Variants in CPE observed in about 807,000 individuals in gnomAD.
CPE encodes the protein carboxypeptidase E.
CPE carries 17 observed loss-of-function variants against 53.5 expected under a neutral mutation model. The observed-to-expected ratio is 0.32, with a 90% CI of 0.22 to 0.48. The LOEUF (loss-of-function observed/expected upper bound fraction) is 0.48, where lower values mean the gene tolerates loss of function less well. CPE is among the 20% of genes least tolerant of loss of function. The pLI is 0.99. For missense variants in CPE, 524 were observed against 614.7 expected, an observed-to-expected ratio of 0.85 and a Z score of 1.56; for synonymous variants, 226 against 228.8, an observed-to-expected ratio of 0.99 and a Z score of 0.11.
chr4:165,396,100 A>G (rs553690186), intron 1 of CPE, among the ~76,000 whole-genome samples: 1 of 152,282 alleles, frequency 6.6e-6, no homozygotes, highest in South Asian at 2.1e-4. Flanking sequence ...AAAATATGGC[A>G]AAGTTTCCAT....
At chr4:165,400,594 A>G (rs1238518828) in intron 1 of CPE, among the ~76,000 whole-genome samples, 1 of 152,130 alleles carries the variant, frequency 6.6e-6, no homozygotes, top group Non-Finnish European at 1.5e-5. Context: ...GTTTCAGTAG[A>G]GTCAAGAGGA....
At chr4:165,440,897 G>A (rs1179157328) in intron 1 of CPE, among the ~76,000 whole-genome samples, 1 of 152,084 alleles carries the variant, frequency 6.6e-6, no homozygotes, top group Admixed American at 6.5e-5. Context: ...GCAAATGCCG[G>A]TGTGGTATGA....
At position 165,497,620 on chromosome 4, in the gene CPE, T is replaced by G; in HGVS notation, c.*10T>G. ...AACTTTAAATTTTTAAAAAGGCTTC[T>G]AGTTAGCTGCTTTAAATCTATCTAT... On this transcript the variant is annotated 3_prime_UTR_variant, in exon 9 of 9. Coordinates refer to ENST00000402744, the MANE Select transcript of CPE (RefSeq NM_001873.4). The G allele has an allele frequency of 1.3e-6, 2 of 1,502,114 alleles. No homozygotes were observed. The highest frequency in any genetic ancestry group is 1.8e-4 in the Middle Eastern group (1 of 5,682). The allele number at this position is 1,502,114 out of a possible 1,614,324, so 93.0% of individuals were successfully genotyped here.
intron 3 of CPE, among the ~76,000 whole-genome samples, chr4:165,480,995 G>GATATAT (rs758491096): frequency 1.5e-5 from 2 of 132,176 alleles, no homozygotes; most frequent in East Asian, 4.3e-4. Context: ...TTCTACAATG[G>GATATAT]ATATATATAT....
chr4:165,492,959 A>G (rs973011224), intron 6 of CPE, among the ~76,000 whole-genome samples: 3 of 152,178 alleles, frequency 2.0e-5, no homozygotes, highest in African/African-American at 7.2e-5. Context: ...GGAAGCAAAC[A>G]AGACATTAAT....
intron 3 of CPE, among the ~76,000 whole-genome samples, chr4:165,474,779 C>T (rs1268117812): frequency 6.6e-6 from 1 of 152,208 alleles, no homozygotes; most frequent in Non-Finnish European, 1.5e-5. Flanking sequence ...TGACTGCAAC[C>T]TTGGGCTGGC....
At chr4:165,448,596 G>A (rs1284149461) in intron 1 of CPE, among the ~76,000 whole-genome samples, 2 of 152,040 alleles carry the variant, frequency 1.3e-5, no homozygotes, top group African/African-American at 4.8e-5. Flanking sequence ...TACAACCACT[G>A]CTGGTTTTGG....
At chr4:165,411,657 T>G (rs935914618) in intron 1 of CPE, among the ~76,000 whole-genome samples, 1 of 151,558 alleles carries the variant, frequency 6.6e-6, no homozygotes, top group Non-Finnish European at 1.5e-5. Flanking sequence ...CTTGAGGGGG[T>G]TTTCTCATGG....
At chr4:165,481,629 T>C (rs1223964802) in intron 3 of CPE, among the ~76,000 whole-genome samples, 2 of 152,182 alleles carry the variant, frequency 1.3e-5, no homozygotes, top group African/African-American at 4.8e-5. Flanking sequence ...TCTAAAGACT[T>C]AACATGAATT....
intron 4 of CPE, among the ~76,000 whole-genome samples, chr4:165,483,811 G>A (rs1042996176): frequency 6.6e-6 from 1 of 152,154 alleles, no homozygotes; most frequent in Admixed American, 6.6e-5. Context: ...TTTTAATGGG[G>A]TTGTTGGGAT....
At chr4:165,434,116 CT>C (rs11373007) in intron 1 of CPE, among the ~76,000 whole-genome samples, 5 of 151,524 alleles carry the variant, frequency 3.3e-5, no homozygotes, top group Non-Finnish European at 2.9e-5. Context: ...TAGATCCATA[CT>C]TTTTTTTCAT....
At chr4:165,435,756 C>A (rs1731491213) in intron 1 of CPE, among the ~76,000 whole-genome samples, 1 of 152,140 alleles carries the variant, frequency 6.6e-6, no homozygotes, top group African/African-American at 2.4e-5. Flanking sequence ...AATATCAATC[C>A]ATGCCATTTT....
chr4:165,498,205 C>T lies in CPE; in HGVS notation c.*595C>T, dbSNP rs1483596444. 6.6e-6 allele frequency: 1 copy of T among 152,012 alleles called. No individual in the cohort carries two copies. The highest frequency in any genetic ancestry group is 1.5e-5 in the Non-Finnish European group (1 of 68,010). 9.4% of individuals were successfully genotyped at this position (152,012 alleles called of 1,614,324 possible). A position where few individuals can be genotyped will look rare whatever the true frequency, so the allele number is the denominator to read the frequency against. On this transcript the variant is annotated 3_prime_UTR_variant, in exon 9 of 9. Coordinates refer to ENST00000402744, the MANE Select transcript of CPE (RefSeq NM_001873.4). ...GACTTCTTGCTTGTACATATAGGAG[C>T]AATACTATTATATTATGTAGTCCGT... is the stretch of plus-strand genomic sequence containing the variant.
intron 1 of CPE, among the ~76,000 whole-genome samples, chr4:165,413,938 A>G (rs1251039555): frequency 6.6e-6 from 1 of 152,242 alleles, no homozygotes; most frequent in East Asian, 1.9e-4. Flanking sequence ...ATTCTAAGTT[A>G]AATTATTAAT....
In CPE at chr4:165,493,195, G is replaced by T; in HGVS notation, c.1138G>T (p.Val380Phe). The T allele has an allele frequency of 6.2e-7, 1 of 1,613,902 alleles. No individual in the cohort carries two copies. Among genetic ancestry groups the T allele is most frequent in the Non-Finnish European group, 8.5e-7 (1 of 1,179,886 alleles). Residue 380 changes from valine (V) to phenylalanine (F), a missense_variant, in exon 7 of 9, where the codon GTC becomes TTC. Physicochemically the swap from Val to Phe is conservative, Grantham distance 50. Transcript: ENST00000402744. ...EQIHRGVKGF[V>F]RDLQGNPIAN... is the part of the protein sequence containing the mutation. ...GATACACCGAGGAGTTAAAGGATTT[G>T]TCCGAGACCTTCAAGGTAACCCAAT...
chr4:165,395,345 G>T (rs1482184443), intron 1 of CPE, among the ~76,000 whole-genome samples: 1 of 152,116 alleles, frequency 6.6e-6, no homozygotes, highest in African/African-American at 2.4e-5. Flanking sequence ...TTTGACCTGT[G>T]CATAGAGCTA....
chr4:165,476,904 G>C (rs959816624), intron 3 of CPE, among the ~76,000 whole-genome samples: 2 of 152,072 alleles, frequency 1.3e-5, no homozygotes, highest in African/African-American at 4.8e-5. Context: ...CGGCAGGCTG[G>C]GGTAACCCCA....
intron 1 of CPE, among the ~76,000 whole-genome samples, chr4:165,438,008 T>G (rs1731541494): frequency 2.0e-5 from 3 of 152,260 alleles, no homozygotes; most frequent in South Asian, 4.1e-4. Flanking sequence ...AGTTGCCTAG[T>G]GTTTAGATTA....
Position 165,497,724 on chromosome 4 carries a change from A to C in CPE, c.*114A>C, listed in dbSNP as rs367838477. ...CTTAACATTGATTTATTTTTTAATC[A>C]TTTAAATATTAATCAACTTTCCTTA... On this transcript the variant is annotated 3_prime_UTR_variant, in exon 9 of 9. Transcript: ENST00000402744. 6.8e-6 allele frequency: 3 copies of C among 441,888 alleles called. No individual in the cohort carries two copies. Among genetic ancestry groups the C allele is most frequent in the African/African-American group, 4.1e-5 (2 of 49,266 alleles). 27.4% of individuals were successfully genotyped at this position (441,888 alleles called of 1,614,324 possible).
Sources: allele counts gnomAD v4.1 joint callset (sites outside exome capture counted in the v4.1 genomes callset), GRCh38; gene constraint gnomAD v4.1.1; transcripts MANE v1.5; gene names NCBI Gene and HGNC (gene_info 2026-07-23, HGNC 2026-07-21).